The following TVP23C variants were observed in gnomAD, a reference collection of about 807,000 sequenced individuals.
TVP23C encodes trans-golgi network vesicle protein 23 homolog C.
In TVP23C, 19 loss-of-function variants were observed where a neutral mutation model predicts 28.7. That is an observed-to-expected ratio of 0.66 (90% CI 0.46 to 0.97). The LOEUF (loss-of-function observed/expected upper bound fraction) is 0.97. TVP23C is among the 50% of genes least tolerant of loss of function. The pLI is 0.00. For missense variants in TVP23C, 186 were observed against 241.3 expected (o/e 0.77, Z 1.52); for synonymous variants, 68 against 81.7 (o/e 0.83, Z 0.90).
chr17:15,502,809 CCTCTCTCTCTCT>C lies in TVP23C; in HGVS notation c.*43_*54del, dbSNP rs57432478. 2,664 of 1,415,734 alleles carry C rather than the reference CCTCTCTCTCTCT, an allele frequency of 1.9e-3. 6 individuals carry two copies. Among genetic ancestry groups the C allele is most frequent in the Middle Eastern group, 5.7e-3 (25 of 4,422 alleles). The allele number at this position is 1,415,734 out of a possible 1,614,324, so 87.7% of individuals were successfully genotyped here. ...TCCCTCTCTCCTCTCTCCTCTCTCTCCTCTCTCTCTCTCTCTCTCTCTCCTGCGAGGAGCTTC... is the reference window on the plus strand; with the variant it reads ...TCCCTCTCTCCTCTCTCCTCTCTCTCCTCTCTCTCTCCTGCGAGGAGCTTC... On this transcript the variant is annotated 3_prime_UTR_variant, in exon 6 of 6. Transcript: ENST00000225576.
intron 2 of TVP23C, among the ~76,000 whole-genome samples, chr17:15,554,330 T>G (rs1465405347): frequency 1.4e-5 from 2 of 147,830 alleles, no homozygotes; most frequent in Non-Finnish European, 3.0e-5. Context: ...CTTCACCTCC[T>G]GGGTTCACGC....
intron 5 of TVP23C, among the ~76,000 whole-genome samples, chr17:15,528,113 T>A (rs1019028817): frequency 6.6e-6 from 1 of 152,174 alleles, no homozygotes; most frequent in Non-Finnish European, 1.5e-5. Flanking sequence ...TTTTCTTTCC[T>A]TTCTAATCTA....
chr17:15,550,419 A>T (rs1427144475), intron 3 of TVP23C, among the ~76,000 whole-genome samples: 1 of 152,210 alleles, frequency 6.6e-6, no homozygotes, highest in Non-Finnish European at 1.5e-5. Context: ...AGTGATATTT[A>T]GTCAATTTTT....
At chr17:15,505,755 C>T (rs1046245969) in intron 5 of TVP23C, among the ~76,000 whole-genome samples, 3 of 152,062 alleles carry the variant, frequency 2.0e-5, no homozygotes, top group Admixed American at 6.5e-5. Flanking sequence ...GCTGGAGTTC[C>T]GGGTGGGCGT....
At chr17:15,519,483 C>T (rs201614243) in intron 5 of TVP23C, among the ~76,000 whole-genome samples, 15 of 34,002 alleles carry the variant, frequency 4.4e-4, no homozygotes, top group Admixed American at 1.5e-3. Context: ...AATAAATATA[C>T]ACACACACAC....
At position 15,537,840 on chromosome 17, in the gene TVP23C, A is replaced by T; in HGVS notation, c.*2572T>A. ...ATGAACACTTTCATTAACTTGGGAT[A>T]TACAGGTATTACATGGCCGTGTGCA... On this transcript the variant is annotated 3_prime_UTR_variant, in exon 6 of 6. Coordinates refer to ENST00000518321, the MANE Select transcript of TVP23C (RefSeq NM_001135036.2). The T allele has an allele frequency of 8.1e-7, 1 of 1,242,038 alleles. No individual in the cohort carries two copies. 76.9% of individuals were successfully genotyped at this position (1,242,038 alleles called of 1,614,324 possible).
intron 5 of TVP23C, among the ~76,000 whole-genome samples, chr17:15,529,215 G>A (rs1477832845): frequency 6.6e-6 from 1 of 152,106 alleles, no homozygotes; most frequent in Non-Finnish European, 1.5e-5. Flanking sequence ...ACTTTGGGAA[G>A]CCAAGGGAGG....
rs762761264 is a variant in TVP23C at position 15,540,560 on chromosome 17, G to A, written c.464C>T (p.Ala155Val). Residue 155 changes from alanine to valine, a missense_variant and splice_region_variant, in exon 6 of 6, where the codon GCG becomes GTG. Physicochemically the swap from Ala to Val is moderately conservative, Grantham distance 64. This residue lies in a region of TVP23C where 74 missense variants were observed against 96.0 expected (regional missense o/e 0.77). Coordinates refer to ENST00000518321, the MANE Select transcript of TVP23C (RefSeq NM_001135036.2). Reference protein sequence around the residue: ...ALFSFTVKWLAVVIMGVVLQG... With the variant: ...ALFSFTVKWLVVVIMGVVLQG... ...TAGCACCACACCCATAATAACCACC[G>A]CCTGGGACAAGGGAAAAAAATAATC... The A allele has an allele frequency of 1.1e-5, 17 of 1,612,862 alleles. No individual in the cohort carries two copies. Among genetic ancestry groups the A allele is most frequent in the South Asian group, 5.5e-5 (5 of 90,842 alleles).
rs1444296379 is a variant in TVP23C, at chr17:15,513,034, G to A, written c.463-9802C>T. On this transcript the variant is annotated intron_variant, in intron 5 of 5. Coordinates refer to the TVP23C transcript ENST00000225576. ...TCTCAGAAGCACTTTTGGTTCTAAC[G>A]GCCATAAACACAGTAACTTTCTGTT... 1.2e-4 allele frequency among the ~76,000 whole-genome samples: 18 copies of A among 152,232 alleles called. No individual in the cohort carries two copies. In the East Asian group the frequency reaches 1.5e-3, roughly 13 times the overall value.
At position 15,537,770 on chromosome 17, in the gene TVP23C, T is replaced by C; in HGVS notation, c.*2642A>G. ...TTGAGACAGACTAAGAACATCCTCC[T>C]ATGTTCTATGGATCAAAATGCAAAG... On this transcript the variant is annotated 3_prime_UTR_variant, in exon 6 of 6. Coordinates refer to ENST00000518321, the MANE Select transcript of TVP23C (RefSeq NM_001135036.2). The C allele has an allele frequency of 9.5e-7, 1 of 1,049,978 alleles. No homozygotes were observed. The highest frequency in any genetic ancestry group is 1.7e-5 in the African/African-American group (1 of 59,490). 65.0% of individuals were successfully genotyped at this position (1,049,978 alleles called of 1,614,324 possible). A position where few individuals can be genotyped will look rare whatever the true frequency, so the allele number is the denominator to read the frequency against.
chr17:15,507,183 G>A (rs932933683), intron 5 of TVP23C: 4 of 744,040 alleles, frequency 5.4e-6, no homozygotes, highest in African/African-American at 1.7e-5. Flanking sequence ...CGATACAAAC[G>A]GTTCCTAATT....
chr17:15,535,888 T>G (rs992305549), downstream of TVP23C, among the ~76,000 whole-genome samples: 2 of 152,104 alleles, frequency 1.3e-5, no homozygotes, highest in African/African-American at 4.8e-5. Context: ...TCCCTTCACT[T>G]TTATTAAAAG....
Position 15,546,903 on chromosome 17 carries a change from T to C in TVP23C, c.330+156A>G, listed in dbSNP as rs561559895. On this transcript the variant is annotated intron_variant, in intron 4 of 5. Coordinates refer to ENST00000518321, the MANE Select transcript of TVP23C (RefSeq NM_001135036.2). The stretch of plus-strand genomic sequence containing the variant: ...TTCTGGTCTGAACTAGACAGAAAAA[T>C]GCATTAAATTCTAGAAGGCCATCTC... 2.6e-5 allele frequency among the ~76,000 whole-genome samples: 4 copies of C among 151,806 alleles called. No homozygotes were observed. In the South Asian group the frequency reaches 8.3e-4, roughly 32 times the overall value.
At chr17:15,550,443 A>G (rs556042207) in intron 3 of TVP23C, among the ~76,000 whole-genome samples, 181 of 152,340 alleles carry the variant, frequency 1.2e-3, no homozygotes, top group African/African-American at 4.1e-3. Flanking sequence ...AATGTTCCAC[A>G]GGCATTTAAC....
At chr17:15,507,424 C>T in intron 5 of TVP23C, 1 of 545,200 alleles carries the variant, frequency 1.8e-6, no homozygotes, top group East Asian at 3.4e-5. Flanking sequence ...CCCTCCACCC[C>T]ATTTGCTCAC....
chr17:15,518,862 T>A (rs1011249420), intron 5 of TVP23C, among the ~76,000 whole-genome samples: 1 of 152,138 alleles, frequency 6.6e-6, no homozygotes, highest in Non-Finnish European at 1.5e-5. Context: ...TCAAATCTCA[T>A]CTTAAATTGT....
downstream of TVP23C, among the ~76,000 whole-genome samples, chr17:15,535,617 G>A (rs565496027): frequency 8.1e-4 from 124 of 152,292 alleles, no homozygotes; most frequent in African/African-American, 2.5e-3. Context: ...GGAATTTTAC[G>A]TAGCAACAGC....
At chr17:15,527,821 C>T (rs921889281) in intron 5 of TVP23C, among the ~76,000 whole-genome samples, 3 of 152,128 alleles carry the variant, frequency 2.0e-5, no homozygotes, top group African/African-American at 4.8e-5. Flanking sequence ...AAGAATGTCA[C>T]GAGGATGAAA....
intron 5 of TVP23C, among the ~76,000 whole-genome samples, chr17:15,531,803 G>A (rs1982960642): frequency 6.6e-6 from 1 of 152,188 alleles, no homozygotes; most frequent in African/African-American, 2.4e-5. Context: ...ATAGGCGGCT[G>A]TAATTGCTGT....
Sources: gnomAD v4.1 joint callset for allele counts (sites outside exome capture counted in the v4.1 genomes callset) on GRCh38, gnomAD v4.1.1 for gene constraint, gnomAD v4.1.1 regional missense constraint, MANE v1.5 for transcripts, NCBI Gene and HGNC (gene_info 2026-07-23, HGNC 2026-07-21) for gene names.